Variants in SGCZ observed in about 807,000 individuals in gnomAD.
SGCZ encodes the protein zeta-sarcoglycan.
A neutral mutation model predicts 41.3 loss-of-function variants in SGCZ; 40 were observed. The ratio of observed to expected loss-of-function variants is 0.97; its 90% confidence interval spans 0.75 to 1.26. The LOEUF is 1.26. SGCZ is among the 50% of genes most tolerant of loss of function. SGCZ has a pLI of 0.00. For synonymous variants in SGCZ, 206 were observed against 137.5 expected (o/e 1.50, Z -3.49); for missense variants, 552 against 369.8 (o/e 1.49, Z -4.04).
intron 1 of SGCZ, among the ~76,000 whole-genome samples, chr8:14,898,549 A>T (rs1477142301): frequency 6.6e-6 from 1 of 152,236 alleles, no homozygotes; most frequent in Non-Finnish European, 1.5e-5. Flanking sequence ...TGAAGAATAA[A>T]TTGGTAAAAG....
intron 3 of SGCZ, among the ~76,000 whole-genome samples, chr8:14,256,770 C>T (rs906657727): frequency 1.3e-5 from 2 of 152,148 alleles, no homozygotes; most frequent in East Asian, 1.9e-4. Context: ...ATCCACAACA[C>T]AAAATCTGAG....
At position 14,299,082 on chromosome 8, in the gene SGCZ, C is replaced by T. The variant is rs546777233; in HGVS notation, c.336+25021G>A. Among the ~76,000 whole-genome samples, 167 of 152,072 alleles carry T rather than the reference C, an allele frequency of 1.1e-3. 1 individual carries two copies. The highest frequency in any genetic ancestry group is 1.7e-3 in the Non-Finnish European group (118 of 67,878). ...TTTCAACAAAGTTGCCAAAGCAATTCAATGGAGAAAGAAAAGTCTTTTAAA... is the reference window on the plus strand; with the variant it reads ...TTTCAACAAAGTTGCCAAAGCAATTTAATGGAGAAAGAAAAGTCTTTTAAA... On this transcript the variant is annotated intron_variant, in intron 3 of 7. Coordinates refer to ENST00000382080, the MANE Select transcript of SGCZ (RefSeq NM_139167.4).
chr8:14,420,511 T>TTG (rs1361809291), intron 2 of SGCZ, among the ~76,000 whole-genome samples: 7 of 152,142 alleles, frequency 4.6e-5, no homozygotes, highest in African/African-American at 1.7e-4. Flanking sequence ...TCAGGTGCTC[T>TTG]AACATTTTCA....
chr8:14,871,301 T>A (rs1183840133), intron 1 of SGCZ, among the ~76,000 whole-genome samples: 1 of 152,142 alleles, frequency 6.6e-6, no homozygotes. Context: ...TGTAAATTAT[T>A]TCAACCACTG....
intron 3 of SGCZ, among the ~76,000 whole-genome samples, chr8:14,247,662 T>G (rs1416229776): frequency 1.3e-5 from 2 of 152,202 alleles, no homozygotes; most frequent in Non-Finnish European, 2.9e-5. Flanking sequence ...CTAGGAGATA[T>G]CCTCCTCTTA....
chr8:14,228,728 C>T (rs567312205), intron 4 of SGCZ, among the ~76,000 whole-genome samples: 1 of 152,128 alleles, frequency 6.6e-6, no homozygotes, highest in African/African-American at 2.4e-5. Flanking sequence ...CAGTTTGTCA[C>T]TTTATCCTAT....
intron 4 of SGCZ, among the ~76,000 whole-genome samples, chr8:14,182,346 G>A (rs1428973747): frequency 6.6e-6 from 1 of 152,132 alleles, no homozygotes; most frequent in Non-Finnish European, 1.5e-5. Flanking sequence ...GAGAGCATCT[G>A]AGAACCAACC....
At chr8:14,830,577 TA>T (rs1168869580) in intron 1 of SGCZ, among the ~76,000 whole-genome samples, 1 of 152,220 alleles carries the variant, frequency 6.6e-6, no homozygotes, top group African/African-American at 2.4e-5. Context: ...TGAAAGTCCA[TA>T]AAATTCTAGT....
intron 5 of SGCZ, among the ~76,000 whole-genome samples, chr8:14,109,249 G>A (rs73520367): frequency 3.9e-4 from 59 of 152,164 alleles, no homozygotes; most frequent in Non-Finnish European, 1.6e-4. Context: ...GGAGGTTGAA[G>A]GATACTCTAT....
At chr8:14,447,503 G>A (rs1445142925) in intron 2 of SGCZ, among the ~76,000 whole-genome samples, 3 of 152,048 alleles carry the variant, frequency 2.0e-5, no homozygotes, top group African/African-American at 7.2e-5. Context: ...GATTTTCTAA[G>A]AAAAACAAGT....
intron 1 of SGCZ, among the ~76,000 whole-genome samples, chr8:14,894,313 A>G (rs956357751): frequency 2.0e-5 from 3 of 152,188 alleles, no homozygotes; most frequent in African/African-American, 7.2e-5. Flanking sequence ...TTGACTTTTG[A>G]AGAGCACACT....
At chr8:14,996,296 T>C (rs1306824091) in intron 1 of SGCZ, among the ~76,000 whole-genome samples, 1 of 152,222 alleles carries the variant, frequency 6.6e-6, no homozygotes, top group African/African-American at 2.4e-5. Context: ...TTTACAAAAT[T>C]ATTGAAAAGC....
Position 15,237,767 on chromosome 8 carries a change from G to C in SGCZ, c.-144C>G, listed in dbSNP as rs1057068564. The stretch of plus-strand genomic sequence containing the variant: ...CAGTCTCATTCTCCGTGGTCACGCC[G>C]CCTCCACCGGGTTAAAAATAAGGAA... On this transcript the variant is annotated 5_prime_UTR_variant, in exon 1 of 8. Transcript: ENST00000382080. 3.2e-5 allele frequency: 22 copies of C among 678,160 alleles called. No individual in the cohort carries two copies. Among genetic ancestry groups the C allele is most frequent in the Non-Finnish European group, 5.6e-5 (22 of 389,404 alleles). 42.0% of individuals were successfully genotyped at this position (678,160 alleles called of 1,614,324 possible).
chr8:14,282,130 G>C (rs1260677394), intron 3 of SGCZ, among the ~76,000 whole-genome samples: 1 of 43,132 alleles, frequency 2.3e-5, no homozygotes, highest in Non-Finnish European at 6.1e-5. Context: ...CATCTACTAT[G>C]TAAAAAAAAA....
chr8:14,477,686 T>C (rs1353545580), intron 2 of SGCZ, among the ~76,000 whole-genome samples: 1 of 152,194 alleles, frequency 6.6e-6, no homozygotes, highest in Non-Finnish European at 1.5e-5. Context: ...AACATAAATT[T>C]TTTGAAGTGT....
chr8:15,022,999 TAA>T (rs1201900708), intron 1 of SGCZ, among the ~76,000 whole-genome samples: 1 of 152,166 alleles, frequency 6.6e-6, no homozygotes, highest in East Asian at 1.9e-4. Flanking sequence ...TAAATGACCT[TAA>T]ACTACTGTGG....
intron 1 of SGCZ, among the ~76,000 whole-genome samples, chr8:14,958,393 T>C (rs764003996): frequency 2.0e-5 from 3 of 152,088 alleles, no homozygotes; most frequent in Non-Finnish European, 4.4e-5. Flanking sequence ...AATGGAATAT[T>C]TATACTTAGC....
intron 1 of SGCZ, among the ~76,000 whole-genome samples, chr8:14,589,054 T>C (rs1458846089): frequency 6.6e-6 from 1 of 152,190 alleles, no homozygotes; most frequent in Admixed American, 6.6e-5. Context: ...TTGTGTGACC[T>C]TTGTTCAATG....
At chr8:14,537,431 G>A (rs1803329715) in intron 2 of SGCZ, among the ~76,000 whole-genome samples, 1 of 151,796 alleles carries the variant, frequency 6.6e-6, no homozygotes, top group Non-Finnish European at 1.5e-5. Context: ...ACAAGACAGA[G>A]AAAAATAATT....
Sources: gnomAD v4.1 joint callset for allele counts (sites outside exome capture counted in the v4.1 genomes callset) on GRCh38, gnomAD v4.1.1 for gene constraint, MANE v1.5 for transcripts, NCBI Gene and HGNC (gene_info 2026-07-23, HGNC 2026-07-21) for gene names.